The following GTF2H1 variants were observed in gnomAD, a reference collection of about 807,000 sequenced individuals.
GTF2H1 encodes the protein general transcription factor IIH subunit 1.
Under a neutral mutation model 71.2 loss-of-function variants are expected in GTF2H1, and 16 were observed. The observed-to-expected ratio is 0.22, with a 90% confidence interval of 0.15 to 0.34. GTF2H1 has a LOEUF of 0.34. Among genes scored for constraint, GTF2H1 ranks in the 10% least tolerant of loss-of-function variants. The pLI is 1.00. For synonymous variants in GTF2H1, 215 were observed against 219.0 expected (o/e 0.98, Z 0.16); for missense variants, 498 against 648.2 (o/e 0.77, Z 2.52).
chr11:18,344,341 C>T (rs1474638325), intron 7 of GTF2H1, among the ~76,000 whole-genome samples: 2 of 151,984 alleles, frequency 1.3e-5, no homozygotes, highest in South Asian at 2.1e-4. Flanking sequence ...TAATATAGGC[C>T]GGGCGTGGTG....
chr11:18,358,519 T>C lies in GTF2H1; in HGVS notation c.1352-6T>C, dbSNP rs373957338. ...TTAACCTATGGGCCTTGTTCTTCTT[T>C]TGCAGAGATGGTGCCAAATGATATT... On this transcript the variant is annotated splice_region_variant and splice_polypyrimidine_tract_variant and intron_variant, in intron 12 of 14. Transcript: ENST00000265963. The C allele has an allele frequency of 2.9e-5, 44 of 1,540,930 alleles. No homozygotes were observed. In the African/African-American group the frequency reaches 5.6e-4, roughly 20 times the overall value.
intron 10 of GTF2H1, 177 bp downstream of exon 10, chr11:18,352,146 T>C (rs1865442825): frequency 1.6e-6 from 1 of 625,128 alleles, no homozygotes; most frequent in Non-Finnish European, 2.9e-6. Flanking sequence ...ACAATAAATG[T>C]GGATCTTTCT....
intron 1 of GTF2H1, among the ~76,000 whole-genome samples, chr11:18,329,368 A>G (rs781460865): frequency 6.6e-6 from 1 of 152,178 alleles, no homozygotes; most frequent in Non-Finnish European, 1.5e-5. Flanking sequence ...TTAATTTCTG[A>G]AAATGGTACC....
At chr11:18,354,176 A>G (rs764682887) in intron 11 of GTF2H1, among the ~76,000 whole-genome samples, 31 of 152,218 alleles carry the variant, frequency 2.0e-4, no homozygotes, top group Non-Finnish European at 3.4e-4. Flanking sequence ...CTAGATTCAC[A>G]TTAGGCATTT....
chr11:18,334,100 C>T (rs1394482244), intron 2 of GTF2H1, among the ~76,000 whole-genome samples: 1 of 152,108 alleles, frequency 6.6e-6, no homozygotes, highest in Non-Finnish European at 1.5e-5. Context: ...AAATTAAGGG[C>T]CGGGCGCGGT....
At chr11:18,354,338 A>G (rs938591806) in intron 11 of GTF2H1, among the ~76,000 whole-genome samples, 1 of 152,122 alleles carries the variant, frequency 6.6e-6, no homozygotes, top group African/African-American at 2.4e-5. Flanking sequence ...AAAGTTAACT[A>G]TTTTTCCCTT....
intron 1 of GTF2H1, among the ~76,000 whole-genome samples, chr11:18,329,822 G>T (rs1565003961): frequency 6.6e-6 from 1 of 152,144 alleles, no homozygotes; most frequent in East Asian, 1.9e-4. Context: ...TAAACAGAAT[G>T]AACTGATACA....
chr11:18,335,613 C>T, intron 2 of GTF2H1, 141 bp from the exon 3 acceptor site: 1 of 608,198 alleles, frequency 1.6e-6, no homozygotes, highest in Middle Eastern at 3.3e-4. Flanking sequence ...AAGAAGAGTG[C>T]ATTCTACAAA....
intron 12 of GTF2H1, 195 bp downstream of exon 12, chr11:18,358,237 C>T: frequency 1.7e-6 from 1 of 600,234 alleles, no homozygotes; most frequent in Non-Finnish European, 3.0e-6. Flanking sequence ...CTTACTATTA[C>T]AAATAGTGGT....
intron 4 of GTF2H1, among the ~76,000 whole-genome samples, 160 bp downstream of exon 4, chr11:18,338,434 T>TG (rs1484078673): frequency 1.2e-5 from 1 of 85,766 alleles, no homozygotes; most frequent in Non-Finnish European, 2.6e-5. Context: ...ACTATTATTA[T>TG]TATGTTTGTT....
At chr11:18,328,532 T>G (rs1864822737) in intron 1 of GTF2H1, among the ~76,000 whole-genome samples, 1 of 131,974 alleles carries the variant, frequency 7.6e-6, no homozygotes, top group African/African-American at 2.9e-5. Context: ...AAAAAAAATT[T>G]TATGGAATCA....
intron 1 of GTF2H1, among the ~76,000 whole-genome samples, chr11:18,325,454 T>A (rs1864738971): frequency 6.6e-6 from 1 of 152,230 alleles, no homozygotes; most frequent in Admixed American, 6.5e-5. Flanking sequence ...TTAAATGATG[T>A]CATTGATACT....
Position 18,365,976 on chromosome 11 carries a change from A to C in GTF2H1, c.*107A>C, listed in dbSNP as rs1317251044. ...AGCAGATGACCTCACAGGAGTGATA[A>C]GAAACATCTGCTCCACGCCAACTCC... On this transcript the variant is annotated 3_prime_UTR_variant, in exon 15 of 15. Coordinates refer to ENST00000265963, the MANE Select transcript of GTF2H1 (RefSeq NM_005316.4). 4.1e-6 allele frequency: 3 copies of C among 724,674 alleles called. No homozygotes were observed. Among genetic ancestry groups the C allele is most frequent in the East Asian group, 5.3e-5 (2 of 37,542 alleles). 44.9% of individuals were successfully genotyped at this position (724,674 alleles called of 1,614,324 possible).
chr11:18,356,297 G>A (rs1357269758), intron 11 of GTF2H1, among the ~76,000 whole-genome samples: 1 of 151,122 alleles, frequency 6.6e-6, no homozygotes, highest in African/African-American at 2.4e-5. Flanking sequence ...AGAATTGCTT[G>A]AGCCTGGGAG....
At chr11:18,346,732 A>ACT (rs1865302834) in intron 7 of GTF2H1, among the ~76,000 whole-genome samples, 4 of 56,892 alleles carry the variant, frequency 7.0e-5, no homozygotes, top group African/African-American at 2.1e-4. Flanking sequence ...CTTTTTATTT[A>ACT]CTTTTTTTTT....
chr11:18,357,796 G>A (rs886748748), intron 11 of GTF2H1, among the ~76,000 whole-genome samples, 156 bp from the exon 12 acceptor site: 1 of 151,620 alleles, frequency 6.6e-6, no homozygotes, highest in Non-Finnish European at 1.5e-5. Context: ...TGCCCTCAAG[G>A]AAAATAGTTC....
intron 1 of GTF2H1, among the ~76,000 whole-genome samples, chr11:18,331,705 G>A: frequency 6.8e-6 from 1 of 146,832 alleles, no homozygotes; most frequent in South Asian, 2.2e-4. Context: ...TTTTTTGGGG[G>A]TTTTTTTTTT....
chr11:18,325,078 C>T (rs1290121678), intron 1 of GTF2H1, among the ~76,000 whole-genome samples: 1 of 152,214 alleles, frequency 6.6e-6, no homozygotes, highest in Non-Finnish European at 1.5e-5. Context: ...TTCCAAATCT[C>T]CATTTTTGTA....
intron 14 of GTF2H1, among the ~76,000 whole-genome samples, chr11:18,363,867 G>A (rs1328061812): frequency 1.3e-5 from 2 of 152,050 alleles, no homozygotes; most frequent in Non-Finnish European, 2.9e-5. Flanking sequence ...GAGGTCAAGA[G>A]TTCGAGACCA....
Sources: allele counts gnomAD v4.1 joint callset (sites outside exome capture counted in the v4.1 genomes callset), GRCh38; gene constraint gnomAD v4.1.1; transcripts MANE v1.5; gene names NCBI Gene and HGNC (gene_info 2026-07-23, HGNC 2026-07-21).